The following TRAF5 variants were observed in gnomAD, a reference collection of about 807,000 sequenced individuals.
TRAF5 encodes TNF receptor associated factor 5, also known as TNF receptor-associated factor 5.
Under a neutral mutation model 64.5 loss-of-function variants are expected in TRAF5, and 48 were observed. The observed-to-expected ratio is 0.74, with a 90% CI of 0.59 to 0.95. The LOEUF (loss-of-function observed/expected upper bound fraction) is 0.95. Ranked by LOEUF, TRAF5 falls within the 40% of genes least tolerant of loss-of-function variation. TRAF5 has a pLI of 0.00. For synonymous variants in TRAF5, 206 were observed against 240.5 expected, an observed-to-expected ratio of 0.86 and a Z score of 1.33; for missense variants, 545 against 662.8, an observed-to-expected ratio of 0.82 and a Z score of 1.95.
At chr1:211,370,210 T>C (rs542926358) in intron 9 of TRAF5, among the ~76,000 whole-genome samples, 1 of 152,274 alleles carries the variant, frequency 6.6e-6, no homozygotes, top group Non-Finnish European at 1.5e-5. Flanking sequence ...TTATGAACAT[T>C]AAATAACCAT....
At chr1:211,367,215 C>G (rs1703383076) in intron 8 of TRAF5, among the ~76,000 whole-genome samples, 1 of 152,140 alleles carries the variant, frequency 6.6e-6, no homozygotes, top group African/African-American at 2.4e-5. Context: ...TGAGCTCAAG[C>G]CATCTGCCTG....
In TRAF5 at chr1:211,344,614, TTC is replaced by T. The variant is rs1213699717; in HGVS notation, c.-1-8623_-1-8622del. ...CTTTGACCTGCCTGGTTAAAGGGGTTTCTTCTTCAGTTTTTGAGGGAAGGCCT... is the reference window on the plus strand; with the variant it reads ...CTTTGACCTGCCTGGTTAAAGGGGTTTTCTTCAGTTTTTGAGGGAAGGCCT... On this transcript the variant is annotated intron_variant, in intron 1 of 10. Coordinates refer to ENST00000261464, the MANE Select transcript of TRAF5 (RefSeq NM_001033910.3). 6.5e-4 allele frequency among the ~76,000 whole-genome samples: 99 copies of T among 152,354 alleles called. 1 individual carries two copies. The highest frequency in any genetic ancestry group is 3.4e-3 in the Middle Eastern group (1 of 294).
chr1:211,353,136 T>C lies in TRAF5; in HGVS notation c.-1-103T>C, dbSNP rs1702846554. On this transcript the variant is annotated intron_variant, in intron 1 of 10. Coordinates refer to ENST00000261464, the MANE Select transcript of TRAF5 (RefSeq NM_001033910.3). ...AGTCACAACAGAATGACCATGTGAA[T>C]GATGTACACTAATTATGAGACAAAT... is the stretch of plus-strand genomic sequence containing the variant. 1.1e-5 allele frequency: 12 copies of C among 1,120,300 alleles called. 1 individual carries two copies. The South Asian group carries it at 1.6e-4, about 15-fold the overall frequency. 69.4% of individuals were successfully genotyped at this position (1,120,300 alleles called of 1,614,324 possible).
intron 2 of TRAF5, among the ~76,000 whole-genome samples, chr1:211,353,910 G>C (rs184868278): frequency 6.6e-6 from 1 of 152,360 alleles, no homozygotes; most frequent in African/African-American, 2.4e-5. Context: ...TACCAGGAGA[G>C]ATGTGGAAGC....
intron 1 of TRAF5, among the ~76,000 whole-genome samples, chr1:211,337,737 G>A (rs1702341492): frequency 6.6e-6 from 1 of 152,192 alleles, no homozygotes; most frequent in Non-Finnish European, 1.5e-5. Context: ...TTGGTGTTGT[G>A]AGATGGAGAG....
At position 211,370,266 on chromosome 1, in the gene TRAF5, A is replaced by G. The variant is rs574113395; in HGVS notation, c.930+674A>G. 8.2e-4 allele frequency among the ~76,000 whole-genome samples: 125 copies of G among 152,290 alleles called. 1 individual carries two copies. Among genetic ancestry groups the G allele is most frequent in the African/African-American group, 2.9e-3 (121 of 41,560 alleles). On this transcript the variant is annotated intron_variant, in intron 9 of 10. Coordinates refer to ENST00000261464, the MANE Select transcript of TRAF5 (RefSeq NM_001033910.3). ...TGTCTTTATCATGATTATAAAATTT[A>G]TAGTGAAAAAGATTTCAAGACATGT... is the stretch of plus-strand genomic sequence containing the variant.
At chr1:211,342,583 G>A (rs761303893) in intron 1 of TRAF5, among the ~76,000 whole-genome samples, 73 of 151,722 alleles carry the variant, frequency 4.8e-4, no homozygotes, top group Admixed American at 1.1e-3. Context: ...TATTCTATAC[G>A]ATTATTCTGA....
At position 211,372,626 on chromosome 1, in the gene TRAF5, C is replaced by T; in HGVS notation, c.1598C>T (p.Ala533Val). 2 of 1,614,120 alleles carry T rather than the reference C, an allele frequency of 1.2e-6. No homozygotes were observed. The highest frequency in any genetic ancestry group is 1.7e-6 in the Non-Finnish European group (2 of 1,180,012). The change falls in exon 11 of 11, where the codon GCC becomes GTC. Residue 533 changes from alanine (A) to valine (V), a missense_variant. Physicochemically the swap from Ala to Val is moderately conservative, Grantham distance 64. Coordinates refer to ENST00000261464, the MANE Select transcript of TRAF5 (RefSeq NM_001033910.3). ...RFVAHSVLEN[A>V]KNAYIKDDTL... Reference sequence around the variant, plus strand: ...GTGGCTCATTCTGTTTTGGAGAATGCCAAGAACGCCTACATTAAAGATGAC... The same window carrying T: ...GTGGCTCATTCTGTTTTGGAGAATGTCAAGAACGCCTACATTAAAGATGAC...
In TRAF5 at chr1:211,363,113, C is replaced by CT. The variant is rs544111046; in HGVS notation, c.696+1958dup. On this transcript the variant is annotated intron_variant, in intron 7 of 10. Transcript: ENST00000261464. ...GATTAAAACATCTTATGATATCTCA[C>CT]TTTTTTTAGGGCAATTTGGTTATCT... Among the ~76,000 whole-genome samples, 671 of 152,220 alleles carry CT rather than the reference C, an allele frequency of 4.4e-3. 12 individuals are homozygous for CT. The highest frequency in any genetic ancestry group is 0.016 in the African/African-American group (650 of 41,560).
At chr1:211,334,259 A>G (rs550423453) in intron 1 of TRAF5, among the ~76,000 whole-genome samples, 3 of 152,346 alleles carry the variant, frequency 2.0e-5, no homozygotes, top group African/African-American at 7.2e-5. Context: ...AGGGAAGCCC[A>G]TTAGAGACTC....
chr1:211,372,156 TGATACCCAC>T lies in TRAF5; in HGVS notation c.1129_1137del (p.Asp377_His379del), dbSNP rs755482222. On this transcript the variant is annotated inframe_deletion, in exon 11 of 11. Coordinates refer to ENST00000261464, the MANE Select transcript of TRAF5 (RefSeq NM_001033910.3). The stretch of plus-strand genomic sequence containing the variant: ...TTTTAGAAGAGGAAACTAACAAACA[TGATACCCAC>T]ATTAATATTCATAAAGCACAGCTGA... The T allele has an allele frequency of 6.2e-7, 1 of 1,603,918 alleles. No homozygotes were observed. Among genetic ancestry groups the T allele is most frequent in the African/African-American group, 1.3e-5 (1 of 74,264 alleles).
chr1:211,372,486 TC>T lies in TRAF5; in HGVS notation c.1459del (p.Leu487TrpfsTer29). ...TCAGGCAGAGGGTGACCCTGATGCT[TC>T]TGGACCAGAGTGGCAAAAAGAACAT... ...PFRQRVTLML[L>X]DQSGKKNIME... On this transcript the variant is annotated frameshift_variant, in exon 11 of 11. Coordinates refer to ENST00000261464, the MANE Select transcript of TRAF5 (RefSeq NM_001033910.3). LOFTEE classifies it high-confidence loss of function. 6.2e-7 allele frequency: 1 copy of T among 1,614,122 alleles called. No individual in the cohort carries two copies.
At chr1:211,344,772 G>T (rs1040322494) in intron 1 of TRAF5, among the ~76,000 whole-genome samples, 2 of 152,022 alleles carry the variant, frequency 1.3e-5, no homozygotes. Context: ...TTTAAGTTAA[G>T]GTCTTTCTCT....
intron 3 of TRAF5, among the ~76,000 whole-genome samples, chr1:211,355,914 G>A (rs1702946897): frequency 6.6e-6 from 1 of 152,226 alleles, no homozygotes; most frequent in South Asian, 2.1e-4. Flanking sequence ...TGGCAACAGA[G>A]ATGATCGTGA....
intron 1 of TRAF5, among the ~76,000 whole-genome samples, chr1:211,352,314 C>T (rs549898290): frequency 2.6e-5 from 4 of 151,838 alleles, no homozygotes; most frequent in African/African-American, 9.7e-5. Flanking sequence ...TCTCATGAGA[C>T]TTATTCACAT....
At chr1:211,345,423 A>G (rs1702576245) in intron 1 of TRAF5, among the ~76,000 whole-genome samples, 1 of 151,124 alleles carries the variant, frequency 6.6e-6, no homozygotes, top group African/African-American at 2.4e-5. Context: ...GAGCAGAATC[A>G]CAGGATTCAA....
Position 211,374,567 on chromosome 1 carries a change from C to G in TRAF5, c.*1865C>G, listed in dbSNP as rs79204495. On this transcript the variant is annotated 3_prime_UTR_variant, in exon 11 of 11. Coordinates refer to ENST00000261464, the MANE Select transcript of TRAF5 (RefSeq NM_001033910.3). ...GGAATATACTGAAGAACTAGAGTGTCACTGCTGGTGAACTGTGGCACGGTT... is the reference window on the plus strand; with the variant it reads ...GGAATATACTGAAGAACTAGAGTGTGACTGCTGGTGAACTGTGGCACGGTT... The G allele has an allele frequency of 6.6e-6, 1 of 152,218 alleles. No individual in the cohort carries two copies. Among genetic ancestry groups the G allele is most frequent in the Non-Finnish European group, 1.5e-5 (1 of 68,036 alleles). The allele number at this position is 152,218 out of a possible 1,614,324, so 9.4% of individuals were successfully genotyped here. A position where few individuals can be genotyped will look rare whatever the true frequency, so the allele number is the denominator to read the frequency against.
chr1:211,354,139 G>A (rs4951522), intron 2 of TRAF5, among the ~76,000 whole-genome samples: 95,363 of 152,062 alleles, frequency 0.63, 32,526 homozygotes, highest in Non-Finnish European at 0.76. Flanking sequence ...GTGGCACAGC[G>A]TGATAAACAA....
chr1:211,366,151 C>T (rs748504856), intron 8 of TRAF5, among the ~76,000 whole-genome samples: 1 of 152,136 alleles, frequency 6.6e-6, no homozygotes, highest in African/African-American at 2.4e-5. Context: ...TCAGACTTTT[C>T]AAGCCCAGGT....
Sources: gnomAD v4.1 joint callset for allele counts (sites outside exome capture counted in the v4.1 genomes callset) on GRCh38, gnomAD v4.1.1 for gene constraint, MANE v1.5 for transcripts, NCBI Gene and HGNC (gene_info 2026-07-23, HGNC 2026-07-21) for gene names.